Variants in RIPK2 observed in about 807,000 individuals in gnomAD.
The protein encoded by RIPK2 is receptor-interacting serine/threonine-protein kinase 2.
In RIPK2, 38 loss-of-function variants were observed where a neutral mutation model predicts 60.9. The ratio of observed to expected loss-of-function variants is 0.62; its 90% CI spans 0.48 to 0.82. The LOEUF (loss-of-function observed/expected upper bound fraction) is 0.82. Ranked by LOEUF, RIPK2 falls within the 40% of genes least tolerant of loss-of-function variation. The pLI, the probability that RIPK2 is intolerant of heterozygous loss-of-function variation, is 0.00. For missense variants in RIPK2, 518 were observed against 647.0 expected, an observed-to-expected ratio of 0.80 and a Z score of 2.16; for synonymous variants, 225 against 223.4, an observed-to-expected ratio of 1.01 and a Z score of -0.06.
Position 89,781,853 on chromosome 8 carries a change from C to T in RIPK2, c.939+1693C>T, listed in dbSNP as rs199952500. On this transcript the variant is annotated intron_variant, in intron 7 of 10. Transcript: ENST00000220751. Reference sequence around the variant, plus strand: ...GGCACAGTAATATATTAACAATAACCGATAATAAAGTAGAACAATTCTAAC... The same window carrying T: ...GGCACAGTAATATATTAACAATAACTGATAATAAAGTAGAACAATTCTAAC... Among the ~76,000 whole-genome samples, 12 of 152,130 alleles carry T rather than the reference C, an allele frequency of 7.9e-5. No individual in the cohort carries two copies. The East Asian group carries it at 1.9e-3, about 24-fold the overall frequency.
In RIPK2 at chr8:89,779,310, G is replaced by GTTTTTTTTTTTTTTTTTTTTTTTTTT. The variant is rs55784154; in HGVS notation, c.854-743_854-742insTTTTTTTTTTTTTTTTTTTTTTTTTT. Reference sequence around the variant, plus strand: ...AGTCCAATTTTTAGGCGGTTTTTGGGTTTTTTTTTTTTTTTTTTTTTTGAG... The same window carrying GTTTTTTTTTTTTTTTTTTTTTTTTTT: ...AGTCCAATTTTTAGGCGGTTTTTGGGTTTTTTTTTTTTTTTTTTTTTTTTTTTTTTTTTTTTTTTTTTTTTTTTGAG... On this transcript the variant is annotated intron_variant, in intron 6 of 10. Transcript: ENST00000220751. Among the ~76,000 whole-genome samples the GTTTTTTTTTTTTTTTTTTTTTTTTTT allele has an allele frequency of 2.5e-5, 2 of 79,094 alleles. 1 individual carries two copies. The highest frequency in any genetic ancestry group is 1.2e-4 in the African/African-American group (2 of 17,120). 51.9% of individuals were successfully genotyped at this position (79,094 alleles called of 152,430 possible). A position where few individuals can be genotyped will look rare whatever the true frequency, so the allele number is the denominator to read the frequency against.
intron 6 of RIPK2, among the ~76,000 whole-genome samples, chr8:89,777,779 T>C (rs1809423312): frequency 2.0e-5 from 3 of 152,314 alleles, no homozygotes; most frequent in South Asian, 2.1e-4. Flanking sequence ...GGTACCATCA[T>C]TGATTTATAA....
At chr8:89,765,873 A>G (rs891438672) in intron 3 of RIPK2, among the ~76,000 whole-genome samples, 8 of 151,776 alleles carry the variant, frequency 5.3e-5, no homozygotes, top group Admixed American at 2.0e-4. Flanking sequence ...ACACATAATT[A>G]TAGTATAATT....
intron 6 of RIPK2, among the ~76,000 whole-genome samples, chr8:89,779,824 A>G (rs1234907631): frequency 6.6e-6 from 1 of 152,184 alleles, no homozygotes. Flanking sequence ...ATTTATTGAA[A>G]AGGCTATGCT....
intron 3 of RIPK2, among the ~76,000 whole-genome samples, chr8:89,767,070 A>G (rs1187341517): frequency 6.6e-6 from 1 of 151,710 alleles, no homozygotes; most frequent in Non-Finnish European, 1.5e-5. Context: ...ACTTTTCACC[A>G]AGTTCTACTT....
At chr8:89,763,036 A>G in intron 2 of RIPK2, 54 bp downstream of exon 2, 2 of 1,144,198 alleles carry the variant, frequency 1.7e-6, no homozygotes, top group Non-Finnish European at 2.3e-6. Flanking sequence ...TATTCAAACT[A>G]TATTTTACTT....
chr8:89,786,554 T>C, intron 8 of RIPK2, 39 bp from the exon 9 acceptor site: 2 of 1,114,710 alleles, frequency 1.8e-6, no homozygotes, highest in Non-Finnish European at 2.7e-6. Context: ...GCTCGATAAT[T>C]TTTATTAACC....
At position 89,786,602 on chromosome 8, in the gene RIPK2, G is replaced by C. The variant is rs776156245; in HGVS notation, c.1039G>C (p.Gly347Arg). 1.9e-6 allele frequency: 3 copies of C among 1,562,162 alleles called. No homozygotes were observed. The South Asian group carries it at 3.4e-5, about 18-fold the overall frequency. Reference protein sequence around the residue: ...VNHGPQEESCGSSQLHENSGS... With the variant: ...VNHGPQEESCRSSQLHENSGS... ...TTTTTATTTACTTTAGGAATCATGT[G>C]GATCCTCTCAGCTCCATGAAAATAG... is the stretch of plus-strand genomic sequence containing the variant. Residue 347 changes from glycine to arginine, a missense_variant, in exon 9 of 11, where the codon GGA becomes CGA. Physicochemically the swap from Gly to Arg is moderately radical, Grantham distance 125. Transcript: ENST00000220751.
chr8:89,774,478 G>A (rs937333977), intron 6 of RIPK2, among the ~76,000 whole-genome samples: 4 of 152,142 alleles, frequency 2.6e-5, no homozygotes, highest in African/African-American at 9.7e-5. Flanking sequence ...TTGGAAAACG[G>A]TTTGGCAGTT....
intron 3 of RIPK2, among the ~76,000 whole-genome samples, chr8:89,768,394 T>A (rs1383268256): frequency 6.6e-6 from 1 of 151,774 alleles, no homozygotes; most frequent in Non-Finnish European, 1.5e-5. Context: ...ATTTTTTGTA[T>A]CTTTAAGTCA....
Position 89,769,882 on chromosome 8 carries a change from T to C in RIPK2, c.594T>C (p.Tyr198=), listed in dbSNP as rs1347000751. The C allele has an allele frequency of 4.4e-6, 7 of 1,608,676 alleles. No individual in the cohort carries two copies. The highest frequency in any genetic ancestry group is 5.9e-6 in the Non-Finnish European group (7 of 1,177,160). Reference sequence around the variant, plus strand: ...TTATCTATATGCCACCTGAAAACTATGAACCTGGACAAAAATCAAGGGCCA... The same window carrying C: ...TTATCTATATGCCACCTGAAAACTACGAACCTGGACAAAAATCAAGGGCCA... ...GTIIYMPPEN[Y]EPGQKSRASI... Residue 198 remains tyrosine (Y), a synonymous_variant, in exon 4 of 11, where the codon TAT becomes TAC. Transcript: ENST00000220751.
intron 1 of RIPK2, among the ~76,000 whole-genome samples, chr8:89,760,348 G>A (rs1586115394): frequency 6.6e-6 from 1 of 152,028 alleles, no homozygotes; most frequent in African/African-American, 2.4e-5. Context: ...CCCCTTATGA[G>A]TAATGAGTCC....
chr8:89,765,600 A>T, intron 3 of RIPK2, 104 bp downstream of exon 3: 2 of 646,518 alleles, frequency 3.1e-6, no homozygotes, highest in South Asian at 4.6e-5. Flanking sequence ...CTCCTTAGAG[A>T]TAGAGACTAA....
chr8:89,758,102 C>T lies in RIPK2; in HGVS notation c.42C>T (p.Pro14=). ...EAICSALPTI[P]YHKLADLRYL... Reference sequence around the variant, plus strand: ...TCTGCAGCGCCCTGCCCACCATTCCCTACCACAAACTCGCCGACCTGCGCT... The same window carrying T: ...TCTGCAGCGCCCTGCCCACCATTCCTTACCACAAACTCGCCGACCTGCGCT... Residue 14 remains proline (P), a synonymous_variant, in exon 1 of 11, where the codon CCC becomes CCT. Transcript: ENST00000220751. 1 of 1,607,900 alleles carries T rather than the reference C, an allele frequency of 6.2e-7. No homozygotes were observed. The highest frequency in any genetic ancestry group is 8.5e-7 in the Non-Finnish European group (1 of 1,177,570).
chr8:89,783,396 C>G (rs949968438), intron 7 of RIPK2, among the ~76,000 whole-genome samples: 14 of 152,128 alleles, frequency 9.2e-5, no homozygotes, highest in Admixed American at 7.9e-4. Context: ...GGCCTTTTTG[C>G]ATATATTACT....
chr8:89,780,054 G>T (rs1809472610), intron 6 of RIPK2, 21 bp from the exon 7 acceptor site: 1 of 1,225,652 alleles, frequency 8.2e-7, no homozygotes, highest in Non-Finnish European at 1.2e-6. Context: ...AACTCAACCT[G>T]TATTTTTTTC....
chr8:89,786,576 T>A lies in RIPK2; in HGVS notation c.1030-17T>A. ...AATTTTTATTAACCTAAACCCTTTATTTTTTATTTACTTTAGGAATCATGT... is the reference window on the plus strand; with the variant it reads ...AATTTTTATTAACCTAAACCCTTTAATTTTTATTTACTTTAGGAATCATGT... On this transcript the variant is annotated splice_polypyrimidine_tract_variant and intron_variant, in intron 8 of 10. Transcript: ENST00000220751. 1.4e-6 allele frequency: 2 copies of A among 1,380,966 alleles called. No individual in the cohort carries two copies. Among genetic ancestry groups the A allele is most frequent in the Non-Finnish European group, 2.0e-6 (2 of 985,068 alleles). The allele number at this position is 1,380,966 out of a possible 1,614,324, so 85.5% of individuals were successfully genotyped here.
intron 6 of RIPK2, among the ~76,000 whole-genome samples, chr8:89,778,523 T>G (rs1266917746): frequency 6.6e-6 from 1 of 152,198 alleles, no homozygotes; most frequent in African/African-American, 2.4e-5. Context: ...TCTTTCTAGA[T>G]TTGCCTTTTC....
chr8:89,760,784 G>C (rs970999713), intron 1 of RIPK2, among the ~76,000 whole-genome samples: 2 of 152,178 alleles, frequency 1.3e-5, no homozygotes, highest in African/African-American at 4.8e-5. Context: ...ACATGTAATA[G>C]GGTCACAGTG....
Sources: gnomAD v4.1 joint callset for allele counts (sites outside exome capture counted in the v4.1 genomes callset) on GRCh38, gnomAD v4.1.1 for gene constraint, MANE v1.5 for transcripts, NCBI Gene and HGNC (gene_info 2026-07-23, HGNC 2026-07-21) for gene names.